Variants in MGAT4C observed in about 807,000 individuals in gnomAD.
MGAT4C encodes alpha-1,3-mannosyl-glycoprotein 4-beta-N-acetylglucosaminyltransferase C.
A neutral mutation model predicts 40.1 loss-of-function variants in MGAT4C; 19 were observed. The observed-to-expected ratio is 0.47, with a 90% CI of 0.33 to 0.70. The LOEUF is 0.70. MGAT4C is among the 30% of genes least tolerant of loss of function. MGAT4C has a pLI of 0.02. For missense variants in MGAT4C, 491 were observed against 563.2 expected (o/e 0.87, Z 1.30); for synonymous variants, 181 against 187.1 (o/e 0.97, Z 0.27).
Position 86,753,198 on chromosome 12 carries a change from C to T in MGAT4C, c.-261-25957G>A, listed in dbSNP as rs374175452. 7.9e-5 allele frequency among the ~76,000 whole-genome samples: 12 copies of T among 152,166 alleles called. No homozygotes were observed. The East Asian group carries it at 1.2e-3, about 15-fold the overall frequency. On this transcript the variant is annotated intron_variant, in intron 1 of 7. Transcript: ENST00000548651. The stretch of plus-strand genomic sequence containing the variant: ...GGTAACATGTCCATAATGGCCATAA[C>T]GCCCAAGCTGGAAGGTTGTGGGTTT...
intron 1 of MGAT4C, among the ~76,000 whole-genome samples, chr12:86,760,731 C>A (rs1951390625): frequency 6.6e-6 from 1 of 151,984 alleles, no homozygotes; most frequent in Non-Finnish European, 1.5e-5. Flanking sequence ...TCCAAAAATG[C>A]CCTTAGTTAA....
intron 1 of MGAT4C, among the ~76,000 whole-genome samples, chr12:86,742,259 T>C (rs1951080134): frequency 6.6e-6 from 1 of 151,624 alleles, no homozygotes; most frequent in African/African-American, 2.4e-5. Flanking sequence ...ACTCCCTATT[T>C]GGAATATTTT....
At chr12:86,804,042 T>C (rs1463933408) in intron 1 of MGAT4C, among the ~76,000 whole-genome samples, 1 of 139,198 alleles carries the variant, frequency 7.2e-6, no homozygotes, top group African/African-American at 2.7e-5. Flanking sequence ...ATAGACTGGA[T>C]TAAGAAAATG....
At chr12:86,792,856 G>T (rs1370216451) in intron 1 of MGAT4C, among the ~76,000 whole-genome samples, 2 of 152,128 alleles carry the variant, frequency 1.3e-5, no homozygotes. Flanking sequence ...GCTTGAACCT[G>T]GAGGGCAGAG....
At chr12:86,157,425 G>C (rs1453991614) in intron 1 of MGAT4C, among the ~76,000 whole-genome samples, 1 of 152,044 alleles carries the variant, frequency 6.6e-6, no homozygotes, top group Non-Finnish European at 1.5e-5. Context: ...AACATATTAT[G>C]TAATGCAAAT....
chr12:86,059,848 A>G (rs1372797044), intron 1 of MGAT4C, among the ~76,000 whole-genome samples: 4 of 152,142 alleles, frequency 2.6e-5, no homozygotes, highest in African/African-American at 4.8e-5. Flanking sequence ...ACCGTGTAAG[A>G]TAAGTTTTCA....
rs528625266 is a variant in MGAT4C at position 86,364,214 on chromosome 12, G to A, written c.-119-30087C>T. Reference sequence around the variant, plus strand: ...AGAAACATTTGTCAGTTTATTCCCTGAGGCCATCACTGCTTGAATACCAAA... The same window carrying A: ...AGAAACATTTGTCAGTTTATTCCCTAAGGCCATCACTGCTTGAATACCAAA... On this transcript the variant is annotated intron_variant, in intron 3 of 7. Coordinates refer to the MGAT4C transcript ENST00000548651. Among the ~76,000 whole-genome samples, 6 of 152,018 alleles carry A rather than the reference G, an allele frequency of 3.9e-5. No individual in the cohort carries two copies. The South Asian group carries it at 1.0e-3, about 26-fold the overall frequency.
chr12:86,779,709 G>T (rs935205981), intron 1 of MGAT4C, among the ~76,000 whole-genome samples: 1 of 151,908 alleles, frequency 6.6e-6, no homozygotes, highest in Non-Finnish European at 1.5e-5. Flanking sequence ...GTCAGGAGAT[G>T]GAGACCATCC....
At chr12:86,587,590 T>G (rs1348862375) in intron 2 of MGAT4C, among the ~76,000 whole-genome samples, 2 of 152,122 alleles carry the variant, frequency 1.3e-5, no homozygotes, top group Non-Finnish European at 2.9e-5. Context: ...GAGCATGGAA[T>G]GTTCTTCCAT....
At position 85,995,201 on chromosome 12, in the gene MGAT4C, G is replaced by A. The variant is rs559016663; in HGVS notation, c.-6-5649C>T. Among the ~76,000 whole-genome samples the A allele has an allele frequency of 8.5e-5, 13 of 152,200 alleles. No homozygotes were observed. In the East Asian group the frequency reaches 9.7e-4, roughly 11 times the overall value. ...TTTTTCCTGCTTGCTGTCAAGAGGC[G>A]GTTTCCAAAAGGCAGTACAGGGACA... is the stretch of plus-strand genomic sequence containing the variant. On this transcript the variant is annotated intron_variant, in intron 2 of 4. Transcript: ENST00000611864.
intron 1 of MGAT4C, among the ~76,000 whole-genome samples, chr12:86,180,052 T>A (rs532633819): frequency 6.6e-6 from 1 of 152,340 alleles, no homozygotes; most frequent in East Asian, 1.9e-4. Flanking sequence ...CCAGGCTCCC[T>A]GTGCTGTGTG....
chr12:86,266,378 G>A (rs889868359), intron 4 of MGAT4C, among the ~76,000 whole-genome samples: 12 of 152,066 alleles, frequency 7.9e-5, no homozygotes, highest in Non-Finnish European at 1.6e-4. Flanking sequence ...TGCTTTATTT[G>A]CATCTATTGA....
chr12:86,686,242 C>G lies in MGAT4C; in HGVS notation c.-229+40967G>C, dbSNP rs181167939. ...AGACTTTGCTGAAGTTGCTTATCAG[C>G]TTAAGGAGTTTGGGGGCTGAGACAA... On this transcript the variant is annotated intron_variant, in intron 2 of 7. Transcript: ENST00000548651. Among the ~76,000 whole-genome samples the G allele has an allele frequency of 1.5e-4, 23 of 152,144 alleles. No individual in the cohort carries two copies. In the East Asian group the frequency reaches 4.1e-3, roughly 27 times the overall value.
At chr12:86,548,843 G>A (rs1959224856) in intron 2 of MGAT4C, among the ~76,000 whole-genome samples, 1 of 152,180 alleles carries the variant, frequency 6.6e-6, no homozygotes, top group East Asian at 1.9e-4. Context: ...TGTATAGAAT[G>A]CTATAATCAA....
At chr12:86,272,163 A>C (rs1952967324) in intron 4 of MGAT4C, among the ~76,000 whole-genome samples, 1 of 152,196 alleles carries the variant, frequency 6.6e-6, no homozygotes, top group African/African-American at 2.4e-5. Context: ...CTTGATTGCT[A>C]TGCATTATAT....
chr12:86,810,023 C>G (rs148933537), intron 1 of MGAT4C, among the ~76,000 whole-genome samples: 1,938 of 152,048 alleles, frequency 0.013, 93 homozygotes, highest in African/African-American at 7.8e-3. Flanking sequence ...TTAATTTAAG[C>G]CTACTTGATT....
At position 86,360,891 on chromosome 12, in the gene MGAT4C, C is replaced by T. The variant is rs139247757; in HGVS notation, c.-119-26764G>A. Among the ~76,000 whole-genome samples the T allele has an allele frequency of 2.0e-3, 302 of 152,226 alleles. 4 individuals carry two copies. Among genetic ancestry groups the T allele is most frequent in the African/African-American group, 6.7e-3 (278 of 41,560 alleles). ...GCTCATGGATAGGAAGAATCAATAT[C>T]GTGAAAATGGTCATACTGCCCAAGG... On this transcript the variant is annotated intron_variant, in intron 3 of 7. Transcript: ENST00000548651.
In MGAT4C at chr12:86,454,373, G is replaced by A. The variant is rs566705839; in HGVS notation, c.-228-19108C>T. ...CTTTCAAGTAGCTGGAACTACAGGT[G>A]CAAACTGCTACACCTGATTAATTTT... On this transcript the variant is annotated intron_variant, in intron 2 of 7. Coordinates refer to the MGAT4C transcript ENST00000548651. Among the ~76,000 whole-genome samples, 212 of 152,060 alleles carry A rather than the reference G, an allele frequency of 1.4e-3. 1 individual carries two copies. The highest frequency in any genetic ancestry group is 5.0e-3 in the African/African-American group (206 of 41,488).
chr12:86,676,715 A>T (rs189707739), intron 2 of MGAT4C, among the ~76,000 whole-genome samples: 8 of 152,216 alleles, frequency 5.3e-5, no homozygotes, highest in Admixed American at 5.2e-4. Context: ...TTTCATTTTG[A>T]CTTGTCAGTG....
Sources: allele counts gnomAD v4.1 joint callset (sites outside exome capture counted in the v4.1 genomes callset), GRCh38; gene constraint gnomAD v4.1.1; transcripts MANE v1.5; gene names NCBI Gene and HGNC (gene_info 2026-07-23, HGNC 2026-07-21).